The following THSD7B variants were observed in gnomAD, a reference collection of about 807,000 sequenced individuals.
The protein encoded by THSD7B is thrombospondin type 1 domain containing 7B, also known as thrombospondin type-1 domain-containing protein 7B.
A neutral mutation model predicts 213.6 loss-of-function variants in THSD7B; 138 were observed. That is an observed-to-expected ratio of 0.65 (90% CI 0.56 to 0.74). THSD7B has a LOEUF of 0.74. Among genes scored for constraint, THSD7B ranks in the 30% least tolerant of loss-of-function variants. The probability of loss-of-function intolerance (pLI) is 0.00; values close to 1 mark genes in which losing one functional copy is unlikely to be tolerated. For synonymous variants in THSD7B, 742 were observed against 687.0 expected, an observed-to-expected ratio of 1.08 and a Z score of -1.25; for missense variants, 1,931 against 1,991.5, an observed-to-expected ratio of 0.97 and a Z score of 0.58.
At chr2:137,635,992 G>C (rs886112662) in intron 20 of THSD7B, among the ~76,000 whole-genome samples, 2 of 152,122 alleles carry the variant, frequency 1.3e-5, no homozygotes, top group Admixed American at 6.6e-5. Flanking sequence ...ATGAGCTACT[G>C]TGCCCAGCCC....
intron 15 of THSD7B, among the ~76,000 whole-genome samples, chr2:137,469,987 TA>T: frequency 6.6e-6 from 1 of 152,334 alleles, no homozygotes; most frequent in Admixed American, 6.5e-5. Flanking sequence ...AACATACAAT[TA>T]ATTTACATTT....
chr2:137,491,890 C>A (rs1040004582), intron 15 of THSD7B, among the ~76,000 whole-genome samples: 1 of 151,930 alleles, frequency 6.6e-6, no homozygotes, highest in Non-Finnish European at 1.5e-5. Flanking sequence ...TTCTAGTATT[C>A]GATATGTCAT....
intron 17 of THSD7B, among the ~76,000 whole-genome samples, chr2:137,573,215 C>T (rs1175273819): frequency 6.6e-6 from 1 of 151,832 alleles, no homozygotes; most frequent in African/African-American, 2.4e-5. Context: ...ATGTTTTATA[C>T]TCATACTTCA....
At chr2:137,509,925 T>A (rs1212097379) in intron 15 of THSD7B, among the ~76,000 whole-genome samples, 1 of 152,192 alleles carries the variant, frequency 6.6e-6, no homozygotes. Context: ...TGATCTGGAA[T>A]TGGTGTAGTC....
At chr2:136,848,332 T>A (rs1652426) in intron 1 of THSD7B, among the ~76,000 whole-genome samples, 83,316 of 151,388 alleles carry the variant, frequency 0.55, 23,172 homozygotes, top group Middle Eastern at 0.76. Flanking sequence ...GCTTCATTCT[T>A]GGGGTTTGGG....
chr2:137,315,229 A>G (rs1490427645), intron 12 of THSD7B, among the ~76,000 whole-genome samples: 1 of 152,186 alleles, frequency 6.6e-6, no homozygotes, highest in Non-Finnish European at 1.5e-5. Flanking sequence ...TTTTAAGCCC[A>G]TCAGAAAAGC....
chr2:137,024,339 G>A (rs1573773254), intron 2 of THSD7B, among the ~76,000 whole-genome samples: 1 of 152,092 alleles, frequency 6.6e-6, no homozygotes, highest in South Asian at 2.1e-4. Context: ...TCTTTTGTGG[G>A]TTAGAGACCT....
chr2:137,421,160 A>C (rs1686917134), intron 14 of THSD7B, among the ~76,000 whole-genome samples: 1 of 152,144 alleles, frequency 6.6e-6, no homozygotes, highest in Admixed American at 6.5e-5. Flanking sequence ...CACCAACACA[A>C]CACCAATCAT....
chr2:137,228,505 C>A (rs1681565426), intron 7 of THSD7B, among the ~76,000 whole-genome samples: 1 of 152,130 alleles, frequency 6.6e-6, no homozygotes, highest in African/African-American at 2.4e-5. Flanking sequence ...ATGTTTCAGT[C>A]TAGATCATTT....
At chr2:137,395,614 C>T (rs1177561493) in intron 12 of THSD7B, among the ~76,000 whole-genome samples, 1 of 152,142 alleles carries the variant, frequency 6.6e-6, no homozygotes, top group East Asian at 1.9e-4. Flanking sequence ...GGATATTGGT[C>T]TAAAATTCTC....
At chr2:137,675,061 T>TAAG (rs1285349221) in intron 27 of THSD7B, among the ~76,000 whole-genome samples, 1 of 152,098 alleles carries the variant, frequency 6.6e-6, no homozygotes, top group Non-Finnish European at 1.5e-5. Flanking sequence ...TTTTAGCCAT[T>TAAG]AAGTGTAAGA....
In THSD7B at chr2:137,663,418, G is replaced by A; in HGVS notation, c.4494G>A (p.Glu1498=). The A allele has an allele frequency of 3.8e-6, 6 of 1,592,996 alleles. No homozygotes were observed. Among genetic ancestry groups the A allele is most frequent in the Non-Finnish European group, 5.1e-6 (6 of 1,168,792 alleles). The change falls in exon 26 of 28, where the codon GAG becomes GAA. Residue 1498 remains glutamate (E), a synonymous_variant. Coordinates refer to ENST00000409968, the MANE Select transcript of THSD7B (RefSeq NM_001316349.2). ...GTGGTTGTGAGAAGGGCTATACAGA[G>A]ATAATGAAATCAAATGGTTTCCTGG... ...GVCGCEKGYT[E]IMKSNGFLDY...
intron 1 of THSD7B, among the ~76,000 whole-genome samples, chr2:136,871,521 G>T (rs920577574): frequency 6.6e-6 from 1 of 152,084 alleles, no homozygotes; most frequent in African/African-American, 2.4e-5. Flanking sequence ...AAGAAAGAGG[G>T]AGTAAGGGAA....
chr2:137,556,193 G>A (rs1349391425), intron 15 of THSD7B, among the ~76,000 whole-genome samples: 8 of 152,110 alleles, frequency 5.3e-5, no homozygotes, highest in Admixed American at 4.6e-4. Context: ...TACAGAGAAT[G>A]CCACAAAGAT....
chr2:137,110,644 C>T (rs1688331835), intron 4 of THSD7B, among the ~76,000 whole-genome samples: 1 of 152,160 alleles, frequency 6.6e-6, no homozygotes, highest in East Asian at 1.9e-4. Context: ...CTTGAAAAGA[C>T]ATTCTTTTTC....
At position 136,859,782 on chromosome 2, in the gene THSD7B, C is replaced by T. The variant is rs370509036; in HGVS notation, c.-35-22362C>T. Among the ~76,000 whole-genome samples, 13 of 152,112 alleles carry T rather than the reference C, an allele frequency of 8.5e-5. No homozygotes were observed. In the South Asian group the frequency reaches 2.7e-3, roughly 32 times the overall value. On this transcript the variant is annotated intron_variant, in intron 1 of 27. Coordinates refer to ENST00000409968, the MANE Select transcript of THSD7B (RefSeq NM_001316349.2). ...TTTTAAAAAGAGAAGTAGTATAGCC[C>T]CAAAAGAGCAGCCCAGCACTGAAAG...
intron 17 of THSD7B, among the ~76,000 whole-genome samples, chr2:137,608,736 C>T (rs1026728163): frequency 6.6e-6 from 1 of 152,098 alleles, no homozygotes; most frequent in Non-Finnish European, 1.5e-5. Context: ...CTTAAAAGAC[C>T]AGTGGAAGCT....
intron 9 of THSD7B, among the ~76,000 whole-genome samples, chr2:137,234,840 G>C (rs959541660): frequency 1.4e-4 from 21 of 152,246 alleles, no homozygotes; most frequent in Middle Eastern, 6.8e-3. Flanking sequence ...TGTTAAAGGG[G>C]ACTATCATGA....
chr2:136,855,763 C>T (rs1027421276), intron 1 of THSD7B, among the ~76,000 whole-genome samples: 12 of 152,014 alleles, frequency 7.9e-5, no homozygotes, highest in Admixed American at 4.6e-4. Flanking sequence ...TGAGCCATCA[C>T]GCCCGGGCTT....
Sources: gnomAD v4.1 joint callset for allele counts (sites outside exome capture counted in the v4.1 genomes callset) on GRCh38, gnomAD v4.1.1 for gene constraint, MANE v1.5 for transcripts, NCBI Gene and HGNC (gene_info 2026-07-23, HGNC 2026-07-21) for gene names.